The following SNX24 variants were observed in gnomAD, a reference collection of about 807,000 sequenced individuals.
SNX24 encodes sorting nexin-24.
A neutral mutation model predicts 28.7 loss-of-function variants in SNX24; 22 were observed. That is an observed-to-expected ratio of 0.77 (90% confidence interval 0.55 to 1.10). The LOEUF is 1.10. SNX24 is among the 50% of genes least tolerant of loss of function. The pLI is 0.00. For synonymous variants in SNX24, 69 were observed against 71.5 expected (o/e 0.96, Z 0.18); for missense variants, 221 against 201.1 (o/e 1.10, Z -0.60).
At chr5:122,852,945 C>G (rs1754988482) in intron 1 of SNX24, among the ~76,000 whole-genome samples, 1 of 152,044 alleles carries the variant, frequency 6.6e-6, no homozygotes, top group Admixed American at 6.6e-5. Context: ...ACCACAATTC[C>G]ACGCCATGTC....
chr5:122,846,843 G>A (rs979427995), intron 1 of SNX24, among the ~76,000 whole-genome samples: 1 of 152,058 alleles, frequency 6.6e-6, no homozygotes, highest in African/African-American at 2.4e-5. Flanking sequence ...AGGGAGCTGT[G>A]TTCCATAGTG....
At chr5:122,993,966 A>G (rs1490267793) in intron 3 of SNX24, among the ~76,000 whole-genome samples, 2 of 152,188 alleles carry the variant, frequency 1.3e-5, no homozygotes, top group African/African-American at 4.8e-5. Flanking sequence ...CTCTTGACTT[A>G]ATTCAGTACC....
At chr5:122,861,097 T>G (rs1410755271) in intron 1 of SNX24, among the ~76,000 whole-genome samples, 1 of 151,568 alleles carries the variant, frequency 6.6e-6, no homozygotes, top group Non-Finnish European at 1.5e-5. Context: ...CCCAGCACTT[T>G]GGGAGGCCAA....
chr5:123,005,812 G>A (rs1461633755), intron 6 of SNX24, among the ~76,000 whole-genome samples: 1 of 151,898 alleles, frequency 6.6e-6, no homozygotes, highest in East Asian at 1.9e-4. Flanking sequence ...GTTTTTTATT[G>A]GGCTCTAAAT....
intron 3 of SNX24, among the ~76,000 whole-genome samples, chr5:122,950,121 G>A (rs762718666): frequency 6.3e-4 from 96 of 152,156 alleles, no homozygotes; most frequent in Non-Finnish European, 2.5e-4. Context: ...AAGTATAACA[G>A]TACCTTTCTA....
At chr5:122,956,367 T>TAC (rs9327282) in intron 3 of SNX24, among the ~76,000 whole-genome samples, 4,580 of 147,082 alleles carry the variant, frequency 0.031, 106 homozygotes, top group Middle Eastern at 0.049. Flanking sequence ...AAAAAATATA[T>TAC]ACACACACAC....
chr5:122,947,096 T>C (rs1350544416), intron 3 of SNX24, among the ~76,000 whole-genome samples: 1 of 152,212 alleles, frequency 6.6e-6, no homozygotes, highest in Non-Finnish European at 1.5e-5. Flanking sequence ...ACAAAAGAGC[T>C]GGACTCCCAC....
intron 1 of SNX24, among the ~76,000 whole-genome samples, chr5:122,856,796 A>T (rs941714411): frequency 2.0e-5 from 3 of 152,034 alleles, no homozygotes; most frequent in African/African-American, 7.2e-5. Context: ...GAATACAGGC[A>T]TGAGCTACTG....
intron 1 of SNX24, among the ~76,000 whole-genome samples, chr5:122,885,010 G>C (rs1756645411): frequency 6.6e-6 from 1 of 152,210 alleles, no homozygotes; most frequent in Non-Finnish European, 1.5e-5. Context: ...TTATGGAAAA[G>C]AACATGTTGA....
chr5:122,918,847 T>G (rs1460869493), intron 1 of SNX24, among the ~76,000 whole-genome samples: 1 of 152,220 alleles, frequency 6.6e-6, no homozygotes, highest in Non-Finnish European at 1.5e-5. Flanking sequence ...TGCCTTTGAA[T>G]AAAGTTTAAG....
chr5:122,921,105 T>C (rs114171125), intron 1 of SNX24, among the ~76,000 whole-genome samples: 4,270 of 152,150 alleles, frequency 0.028, 76 homozygotes, highest in Middle Eastern at 0.054. Context: ...ATCACTATTA[T>C]GCACATGTAT....
intron 1 of SNX24, among the ~76,000 whole-genome samples, chr5:122,853,011 C>T (rs867956931): frequency 1.3e-5 from 2 of 150,704 alleles, no homozygotes; most frequent in East Asian, 2.0e-4. Flanking sequence ...GTAACAAGGA[C>T]GTAGCTGGCA....
At chr5:123,002,725 C>T (rs536394208) in intron 6 of SNX24, among the ~76,000 whole-genome samples, 45 of 152,358 alleles carry the variant, frequency 3.0e-4, no homozygotes, top group Non-Finnish European at 4.3e-4. Context: ...ATTTTAAATA[C>T]AATTAATTGA....
chr5:122,918,559 T>C (rs1758285075), intron 1 of SNX24, among the ~76,000 whole-genome samples: 2 of 152,222 alleles, frequency 1.3e-5, no homozygotes, highest in South Asian at 4.1e-4. Flanking sequence ...TTGAAGCCTG[T>C]TGAAGCTGTG....
intron 3 of SNX24, 31 bp downstream of exon 3, chr5:122,946,190 A>G: frequency 8.0e-7 from 1 of 1,255,198 alleles, no homozygotes; most frequent in Non-Finnish European, 1.2e-6. Context: ...CATTTTATAT[A>G]ACATAAATAA....
intron 1 of SNX24, among the ~76,000 whole-genome samples, chr5:122,850,773 A>G (rs1754875811): frequency 7.0e-6 from 1 of 141,922 alleles, no homozygotes; most frequent in African/African-American, 2.7e-5. Context: ...CTCTAAGGGG[A>G]CATTCAGCAT....
chr5:123,011,124 A>G (rs1048833758), downstream of SNX24, among the ~76,000 whole-genome samples: 2 of 152,190 alleles, frequency 1.3e-5, no homozygotes, highest in African/African-American at 4.8e-5. Context: ...TTGGGGAAAT[A>G]TCAAAAACTT....
rs966885446 is a variant in SNX24, at chr5:122,954,260, A to G, written c.249+8101A>G. Among the ~76,000 whole-genome samples, 6 of 151,938 alleles carry G rather than the reference A, an allele frequency of 3.9e-5. No individual in the cohort carries two copies. In the East Asian group the frequency reaches 5.8e-4, roughly 15 times the overall value. The stretch of plus-strand genomic sequence containing the variant: ...CAGATCAGTGTTAAGTATTCTGTTT[A>G]TTAATGTTTATATTTTTAATTTTTG... On this transcript the variant is annotated intron_variant, in intron 3 of 6. Transcript: ENST00000261369.
At chr5:123,007,260 C>T (rs1001479873) in intron 6 of SNX24, among the ~76,000 whole-genome samples, 2 of 152,212 alleles carry the variant, frequency 1.3e-5, no homozygotes, top group African/African-American at 4.8e-5. Context: ...GGACTAAATG[C>T]ACTGTAAACC....
Sources: gnomAD v4.1 joint callset for allele counts (sites outside exome capture counted in the v4.1 genomes callset) on GRCh38, gnomAD v4.1.1 for gene constraint, MANE v1.5 for transcripts, NCBI Gene and HGNC (gene_info 2026-07-23, HGNC 2026-07-21) for gene names.